The following ZC3HAV1L variants were observed in gnomAD, a reference collection of about 807,000 sequenced individuals.
ZC3HAV1L encodes zinc finger CCCH-type antiviral protein 1-like.
Under a neutral mutation model 28.2 loss-of-function variants are expected in ZC3HAV1L, and 23 were observed. The ratio of observed to expected loss-of-function variants is 0.82; its 90% CI spans 0.59 to 1.16. The LOEUF is 1.16. Among genes scored for constraint, ZC3HAV1L ranks in the 50% most tolerant of loss-of-function variants. The pLI, the probability that ZC3HAV1L is intolerant of heterozygous loss-of-function variation, is 0.00. For missense variants in ZC3HAV1L, 376 were observed against 387.7 expected (o/e 0.97, Z 0.25); for synonymous variants, 180 against 163.4 (o/e 1.10, Z -0.78).
Position 139,026,553 on chromosome 7 carries a change from G to A in ZC3HAV1L, c.894C>T (p.Cys298=), listed in dbSNP as rs368597211. 8.1e-6 allele frequency: 13 copies of A among 1,613,336 alleles called. No individual in the cohort carries two copies. The highest frequency in any genetic ancestry group is 6.7e-5 in the African/African-American group (5 of 74,828). The change falls in exon 5 of 5, where the codon TGC becomes TGT. Residue 298 remains cysteine, a synonymous_variant. Coordinates refer to ENST00000275766, the MANE Select transcript of ZC3HAV1L (RefSeq NM_080660.4). ...QSAKKPCPVS[C]EK ...TCCTTTTCCATCTTCTTTACTTCTCGCAAGACACTGTGAGGTAGATATTAT... is the reference window on the plus strand; with the variant it reads ...TCCTTTTCCATCTTCTTTACTTCTCACAAGACACTGTGAGGTAGATATTAT...
rs1348383257 is a variant in ZC3HAV1L, at chr7:139,025,708, C to T, written c.*836G>A. ...CAATCAGAAAGCAGACACCAGAAAACTATTCACTCATACATATATTTTTAA... is the reference window on the plus strand; with the variant it reads ...CAATCAGAAAGCAGACACCAGAAAATTATTCACTCATACATATATTTTTAA... On this transcript the variant is annotated 3_prime_UTR_variant, in exon 5 of 5. Coordinates refer to ENST00000275766, the MANE Select transcript of ZC3HAV1L (RefSeq NM_080660.4). 6.6e-6 allele frequency: 1 copy of T among 151,942 alleles called. No homozygotes were observed. The highest frequency in any genetic ancestry group is 1.5e-5 in the Non-Finnish European group (1 of 68,026). The allele number at this position is 151,942 out of a possible 1,614,324, so 9.4% of individuals were successfully genotyped here.
downstream of ZC3HAV1L, among the ~76,000 whole-genome samples, chr7:139,022,990 C>G (rs1399944148): frequency 1.3e-5 from 2 of 152,086 alleles, no homozygotes; most frequent in Non-Finnish European, 2.9e-5. Flanking sequence ...GCCTGGCCAA[C>G]ATGGTGAAAC....
At chr7:139,035,606 G>A (rs1325538903) in intron 1 of ZC3HAV1L, 47 bp downstream of exon 1, 1 of 1,352,468 alleles carries the variant, frequency 7.4e-7, no homozygotes, top group Admixed American at 4.1e-5. Flanking sequence ...AGGACGGCCA[G>A]GCCCGCGGCC....
chr7:139,035,498 G>A (rs1484255920), intron 1 of ZC3HAV1L, 155 bp downstream of exon 1: 1 of 985,284 alleles, frequency 1.0e-6, no homozygotes, highest in Admixed American at 6.1e-5. Flanking sequence ...GCGCGGGGGA[G>A]GACGCCCAGG....
chr7:139,028,155 A>T (rs967146832), intron 3 of ZC3HAV1L, among the ~76,000 whole-genome samples: 2 of 152,016 alleles, frequency 1.3e-5, no homozygotes, highest in African/African-American at 4.8e-5. Flanking sequence ...CAGGCAGATC[A>T]TGAGGTCAAG....
intron 1 of ZC3HAV1L, 43 bp downstream of exon 1, chr7:139,035,610 C>T: frequency 7.4e-7 from 1 of 1,355,254 alleles, no homozygotes. Flanking sequence ...CGGCCAGGCC[C>T]GCGGCCAGCG....
chr7:139,023,191 A>AAAAAAAAAAAAC (rs1815282215), downstream of ZC3HAV1L, among the ~76,000 whole-genome samples: 5 of 151,372 alleles, frequency 3.3e-5, no homozygotes, highest in Non-Finnish European at 7.4e-5. Flanking sequence ...AGAAAAAAAA[A>AAAAAAAAAAAAC]AAAAAAAAAA....
At chr7:139,026,629 G>T in intron 4 of ZC3HAV1L, 69 bp from the exon 5 acceptor site, 1 of 1,612,680 alleles carries the variant, frequency 6.2e-7, no homozygotes, top group Admixed American at 1.7e-5. Flanking sequence ...ACAAATTAAA[G>T]CTAAACAGAA....
downstream of ZC3HAV1L, among the ~76,000 whole-genome samples, chr7:139,025,259 G>A (rs1815322300): frequency 6.6e-6 from 1 of 152,074 alleles, no homozygotes; most frequent in Non-Finnish European, 1.5e-5. Flanking sequence ...GACCAGCCTG[G>A]CCAACATGGT....
chr7:139,033,973 T>C lies in ZC3HAV1L; in HGVS notation c.501+570A>G. 4 of 985,334 alleles carry C rather than the reference T, an allele frequency of 4.1e-6. No individual in the cohort carries two copies. The South Asian group carries it at 1.9e-4, about 46-fold the overall frequency. The allele number at this position is 985,334 out of a possible 1,614,324, so 61.0% of individuals were successfully genotyped here. A position where few individuals can be genotyped will look rare whatever the true frequency, so the allele number is the denominator to read the frequency against. On this transcript the variant is annotated intron_variant, in intron 2 of 4. Transcript: ENST00000275766. ...GACTTGGCTTCAGTGCTCGAAGAAATGAAACAGGTTATGCATGTCAGGAAG... is the reference window on the plus strand; with the variant it reads ...GACTTGGCTTCAGTGCTCGAAGAAACGAAACAGGTTATGCATGTCAGGAAG...
rs1023045800 is a variant in ZC3HAV1L at position 139,026,755 on chromosome 7, C to T, written c.839G>A (p.Gly280Asp). ...CTGAGCAGGGACAGAAGCCAGAGGA[C>T]CAGCTTCTGCAGCTCCAGCTGCGTG... is the stretch of plus-strand genomic sequence containing the variant. Reference protein sequence around the residue: ...GVHAAGAAEAGPLASVPAQSA... With the variant: ...GVHAAGAAEADPLASVPAQSA... Residue 280 changes from glycine (G) to aspartate (D), a missense_variant, in exon 4 of 5, where the codon GGT becomes GAT. Gly to Asp is a moderately conservative substitution (Grantham distance 94). Coordinates refer to ENST00000275766, the MANE Select transcript of ZC3HAV1L (RefSeq NM_080660.4). The T allele has an allele frequency of 6.2e-7, 1 of 1,614,038 alleles. No homozygotes were observed. Among genetic ancestry groups the T allele is most frequent in the Non-Finnish European group, 8.5e-7 (1 of 1,180,042 alleles).
intron 1 of ZC3HAV1L, 44 bp downstream of exon 1, chr7:139,035,609 C>T (rs983427360): frequency 6.6e-6 from 9 of 1,354,902 alleles, no homozygotes; most frequent in Non-Finnish European, 8.5e-6. Context: ...ACGGCCAGGC[C>T]CGCGGCCAGC....
intron 2 of ZC3HAV1L, among the ~76,000 whole-genome samples, chr7:139,034,333 T>G (rs1288624064): frequency 6.6e-6 from 1 of 152,240 alleles, no homozygotes; most frequent in Non-Finnish European, 1.5e-5. Context: ...TTGTACTATT[T>G]TGTTTTTAAA....
rs1438845073 is a variant in ZC3HAV1L, at chr7:139,026,568, G to A, written c.887-8C>T. On this transcript the variant is annotated splice_region_variant and splice_polypyrimidine_tract_variant and intron_variant, in intron 4 of 4. Coordinates refer to ENST00000275766, the MANE Select transcript of ZC3HAV1L (RefSeq NM_080660.4). Reference sequence around the variant, plus strand: ...TTTACTTCTCGCAAGACACTGTGAGGTAGATATTATTATGACCATTACAAA... The same window carrying A: ...TTTACTTCTCGCAAGACACTGTGAGATAGATATTATTATGACCATTACAAA... 1.2e-6 allele frequency: 2 copies of A among 1,611,842 alleles called. No individual in the cohort carries two copies. The highest frequency in any genetic ancestry group is 2.7e-5 in the African/African-American group (2 of 74,894).
intron 3 of ZC3HAV1L, among the ~76,000 whole-genome samples, 170 bp downstream of exon 3, chr7:139,028,532 A>G (rs184265721): frequency 6.6e-6 from 1 of 152,302 alleles, no homozygotes; most frequent in Non-Finnish European, 1.5e-5. Context: ...TCACCGTTCT[A>G]TACAATACAA....
chr7:139,023,304 G>A (rs192626463), downstream of ZC3HAV1L, among the ~76,000 whole-genome samples: 157 of 150,996 alleles, frequency 1.0e-3, no homozygotes, highest in African/African-American at 3.7e-3. Flanking sequence ...TTAAAAACTC[G>A]ACTAAAGTCA....
At chr7:139,028,372 CAA>C (rs1487970195) in intron 3 of ZC3HAV1L, among the ~76,000 whole-genome samples, 2 of 118,888 alleles carry the variant, frequency 1.7e-5, no homozygotes. Flanking sequence ...GACTCTGTCT[CAA>C]AAAAAAAAAC....
chr7:139,032,355 C>A (rs1815559259), intron 2 of ZC3HAV1L, among the ~76,000 whole-genome samples: 1 of 152,036 alleles, frequency 6.6e-6, no homozygotes, highest in Admixed American at 6.6e-5. Flanking sequence ...AACATAATGG[C>A]CAGGCACAGT....
At chr7:139,022,787 A>C (rs1244378241), downstream of ZC3HAV1L, among the ~76,000 whole-genome samples, 3 of 152,260 alleles carry the variant, frequency 2.0e-5, no homozygotes, top group East Asian at 1.9e-4. Context: ...TACAAGAGTC[A>C]CCTCTTTTGG....
Sources: gnomAD v4.1 joint callset for allele counts (sites outside exome capture counted in the v4.1 genomes callset) on GRCh38, gnomAD v4.1.1 for gene constraint, MANE v1.5 for transcripts, NCBI Gene and HGNC (gene_info 2026-07-23, HGNC 2026-07-21) for gene names.